The following XRRA1 variants were observed in gnomAD, a reference collection of about 807,000 sequenced individuals.
XRRA1 encodes the protein X-ray radiation resistance associated 1.
A neutral mutation model predicts 80.2 loss-of-function variants in XRRA1; 69 were observed. That is an observed-to-expected ratio of 0.86 (90% CI 0.71 to 1.05). XRRA1 has a LOEUF of 1.05. XRRA1 is among the 50% of genes least tolerant of loss of function. XRRA1 has a pLI of 0.00. For missense variants in XRRA1, 967 were observed against 976.4 expected (o/e 0.99, Z 0.13); for synonymous variants, 348 against 389.9 (o/e 0.89, Z 1.27).
At position 74,933,860 on chromosome 11, in the gene XRRA1, A is replaced by C. The variant is rs557352856; in HGVS notation, c.292T>G (p.Cys98Gly). The C allele has an allele frequency of 6.2e-7, 1 of 1,604,816 alleles. No individual in the cohort carries two copies. The highest frequency in any genetic ancestry group is 1.7e-5 in the Admixed American group (1 of 58,874). The change falls in exon 5 of 19, where the codon TGT (cysteine) becomes GGT (glycine). Residue 98 changes from cysteine to glycine, a missense_variant. By Grantham distance (159) the Cys-to-Gly change is radical. Coordinates refer to ENST00000684022, the MANE Select transcript of XRRA1 (RefSeq NM_001378157.1). ...CACAGATCTGATGGCTTCCTCACACAGTGGTGCTTCAGCTGGAACATAATA... is the reference window on the plus strand; with the variant it reads ...CACAGATCTGATGGCTTCCTCACACCGTGGTGCTTCAGCTGGAACATAATA... ...LDQAFLLKHHCVRKPSDLCTI... is the reference protein window; with the variant it reads ...LDQAFLLKHHGVRKPSDLCTI...
rs11601813 is a variant in XRRA1, at chr11:74,939,449, C to T, written c.94+1336G>A. 7.1e-3 allele frequency among the ~76,000 whole-genome samples: 1,089 copies of T among 152,314 alleles called. 7 individuals carry two copies. Among genetic ancestry groups the T allele is most frequent in the Non-Finnish European group, 0.012 (817 of 68,028 alleles). Reference sequence around the variant, plus strand: ...TCATTTATTATTCCATGGTTTACAACCCAATTCCGCCATTATTTATTTCAT... The same window carrying T: ...TCATTTATTATTCCATGGTTTACAATCCAATTCCGCCATTATTTATTTCAT... On this transcript the variant is annotated intron_variant, in intron 3 of 18. Transcript: ENST00000684022.
chr11:74,920,060 G>T (rs1940227044), intron 8 of XRRA1: 1 of 186,704 alleles, frequency 5.4e-6, no homozygotes, highest in South Asian at 1.0e-4. Flanking sequence ...ATGTCTTCAT[G>T]TGTATGACAG....
intron 8 of XRRA1, among the ~76,000 whole-genome samples, chr11:74,912,116 G>A (rs986024935): frequency 6.6e-6 from 1 of 152,184 alleles, no homozygotes; most frequent in Non-Finnish European, 1.5e-5. Context: ...GAGTGATTCA[G>A]AAAACACCCA....
chr11:74,869,291 T>A (rs2136185613), intron 10 of XRRA1, among the ~76,000 whole-genome samples: 1 of 152,142 alleles, frequency 6.6e-6, no homozygotes, highest in Admixed American at 6.5e-5. Context: ...TCTTTGAAAC[T>A]AAAGGAGAAC....
intron 12 of XRRA1, 109 bp from the exon 13 acceptor site, chr11:74,852,191 G>T: frequency 1.1e-6 from 1 of 901,180 alleles, no homozygotes; most frequent in Non-Finnish European, 1.8e-6. Context: ...ATTGGGGGTG[G>T]TATTGGGTAA....
chr11:74,918,573 T>C (rs1260230321), intron 8 of XRRA1, among the ~76,000 whole-genome samples: 3 of 152,142 alleles, frequency 2.0e-5, no homozygotes, highest in African/African-American at 7.2e-5. Flanking sequence ...AAATTAAATA[T>C]GGAGGGAAGC....
chr11:74,860,395 G>A (rs984176272), intron 11 of XRRA1, among the ~76,000 whole-genome samples: 3 of 152,202 alleles, frequency 2.0e-5, no homozygotes, highest in Non-Finnish European at 4.4e-5. Flanking sequence ...GTGAACTGAA[G>A]GGGGTAAGTC....
chr11:74,932,309 C>G (rs1337555864), intron 5 of XRRA1, among the ~76,000 whole-genome samples: 1 of 152,152 alleles, frequency 6.6e-6, no homozygotes, highest in Non-Finnish European at 1.5e-5. Flanking sequence ...GCTAAGCTAC[C>G]ACCCTCTCCA....
intron 11 of XRRA1, among the ~76,000 whole-genome samples, chr11:74,861,270 G>A (rs2042239054): frequency 6.6e-6 from 1 of 152,226 alleles, no homozygotes; most frequent in Non-Finnish European, 1.5e-5. Flanking sequence ...TGGGAACTGG[G>A]CCGCACAGCA....
At chr11:74,940,249 C>T (rs146045515) in intron 3 of XRRA1, among the ~76,000 whole-genome samples, 1 of 152,194 alleles carries the variant, frequency 6.6e-6, no homozygotes, top group East Asian at 1.9e-4. Context: ...CTGGCAGAGT[C>T]GAATTTAAGC....
chr11:74,843,902 T>C lies in XRRA1; in HGVS notation c.2101A>G (p.Ile701Val), dbSNP rs760828640. 1 of 1,613,442 alleles carries C rather than the reference T, an allele frequency of 6.2e-7. No homozygotes were observed. The highest frequency in any genetic ancestry group is 8.5e-7 in the Non-Finnish European group (1 of 1,179,746). ...KKTRAQLLDD[I>V]FIRLRDPRNI... ...CGGGGATCCCGCAAGCGAATGAAGA[T>C]GTCATCCAGAAGTTGGGCTCTAGTC... Residue 701 changes from isoleucine (I) to valine (V), a missense_variant, in exon 18 of 19, where the codon ATC becomes GTC. Physicochemically the swap from Ile to Val is conservative, Grantham distance 29. Transcript: ENST00000684022.
chr11:74,843,799 T>C, intron 18 of XRRA1, 55 bp downstream of exon 18: 2 of 1,488,242 alleles, frequency 1.3e-6, no homozygotes, highest in East Asian at 2.4e-5. Flanking sequence ...TCTTTGCCTT[T>C]AGCCAGCAGG....
chr11:74,872,990 C>T (rs1334626585), intron 10 of XRRA1, among the ~76,000 whole-genome samples: 1 of 152,102 alleles, frequency 6.6e-6, no homozygotes, highest in East Asian at 1.9e-4. Context: ...CTGAAAGTAC[C>T]ACTCCTTCAT....
intron 10 of XRRA1, among the ~76,000 whole-genome samples, chr11:74,895,516 A>G (rs987297589): frequency 2.6e-5 from 4 of 152,228 alleles, no homozygotes; most frequent in Admixed American, 1.3e-4. Context: ...TGTAATTCTT[A>G]GGCAACTCCT....
At chr11:74,872,849 C>T (rs1403232310) in intron 10 of XRRA1, among the ~76,000 whole-genome samples, 2 of 152,192 alleles carry the variant, frequency 1.3e-5, no homozygotes, top group African/African-American at 4.8e-5. Flanking sequence ...CATCCCTCTT[C>T]TCCCTAATCC....
intron 8 of XRRA1, chr11:74,919,481 T>C (rs994727792): frequency 7.1e-5 from 17 of 238,804 alleles, no homozygotes; most frequent in Non-Finnish European, 1.4e-4. Context: ...GTAAACCAAT[T>C]AATACCATCT....
intron 13 of XRRA1, 109 bp downstream of exon 13, chr11:74,851,880 C>T: frequency 1.1e-6 from 1 of 933,010 alleles, no homozygotes; most frequent in Non-Finnish European, 1.7e-6. Context: ...CCTTGTCCAC[C>T]CCGACACAGA....
In XRRA1 at chr11:74,866,340, ACCT is replaced by A. The variant is rs570479554; in HGVS notation, c.1004-3322_1004-3320del. Among the ~76,000 whole-genome samples the A allele has an allele frequency of 1.2e-4, 18 of 152,154 alleles. No individual in the cohort carries two copies. In the South Asian group the frequency reaches 3.7e-3, roughly 32 times the overall value. On this transcript the variant is annotated intron_variant, in intron 10 of 18. Transcript: ENST00000684022. Reference sequence around the variant, plus strand: ...ATGAACATTGCTTACTGCAGCCTCAACCTCCTGGGCTCAAGCAATCCTCCCACC... The same window carrying A: ...ATGAACATTGCTTACTGCAGCCTCAACCTGGGCTCAAGCAATCCTCCCACC...
chr11:74,928,241 T>C (rs1014815385), intron 6 of XRRA1, among the ~76,000 whole-genome samples: 4 of 152,232 alleles, frequency 2.6e-5, no homozygotes, highest in African/African-American at 9.6e-5. Context: ...ATACAGTAAC[T>C]GCATTTCCAG....
Sources: allele counts gnomAD v4.1 joint callset (sites outside exome capture counted in the v4.1 genomes callset), GRCh38; gene constraint gnomAD v4.1.1; transcripts MANE v1.5; gene names NCBI Gene and HGNC (gene_info 2026-07-23, HGNC 2026-07-21).